Variants in FIP1L1 observed in about 807,000 individuals in gnomAD.
The protein encoded by FIP1L1 is pre-mRNA 3'-end-processing factor FIP1.
FIP1L1 carries 21 observed loss-of-function variants against 84.6 expected under a neutral mutation model. That is an observed-to-expected ratio of 0.25 (90% CI 0.18 to 0.36). FIP1L1 has a LOEUF of 0.36. Ranked by LOEUF, FIP1L1 falls within the 10% of genes least tolerant of loss-of-function variation. The probability of loss-of-function intolerance (pLI) is 1.00; values close to 1 mark genes in which losing one functional copy is unlikely to be tolerated. For synonymous variants in FIP1L1, 263 were observed against 242.3 expected, an observed-to-expected ratio of 1.09 and a Z score of -0.80; for missense variants, 526 against 751.1, an observed-to-expected ratio of 0.70 and a Z score of 3.50.
chr4:53,442,697 A>G lies in FIP1L1; in HGVS notation c.1219A>G (p.Thr407Ala). The change falls in exon 14 of 18, where the codon ACA (threonine) becomes GCA (alanine). Residue 407 changes from threonine (T) to alanine (A), a missense_variant. By Grantham distance (58) the Thr-to-Ala change is moderately conservative (BLOSUM62 0). Around this residue, in one of 6 missense-constraint regions of FIP1L1, gnomAD observed 83 missense variants for 93.8 expected, o/e 0.88. Coordinates refer to ENST00000337488, the MANE Select transcript of FIP1L1 (RefSeq NM_030917.4). ...PGAPPPSLIP[T>A]IESGHSSGYD... ...CGCTCCACCTCCATCTCTTATACCA[A>G]CAATAGAAAGGTAAATCAGTATGGA... 6.3e-7 allele frequency: 1 copy of G among 1,596,676 alleles called. No individual in the cohort carries two copies. Among genetic ancestry groups the G allele is most frequent in the Non-Finnish European group, 8.6e-7 (1 of 1,164,684 alleles).
chr4:53,382,318 A>C lies in FIP1L1; in HGVS notation c.211A>C (p.Asn71His), dbSNP rs148420010. Residue 71 changes from asparagine to histidine, a missense_variant, in exon 4 of 18, where the codon AAT (asparagine) becomes CAT (histidine). This residue lies in a region of FIP1L1 where 100 missense variants were observed against 107.2 expected (regional missense o/e 0.93). Coordinates refer to ENST00000337488, the MANE Select transcript of FIP1L1 (RefSeq NM_030917.4). ...PSGIEDETAE[N>H]GVPKPKVTET... Reference sequence around the variant, plus strand: ...TGGAATTGAAGATGAAACTGCTGAAAATGGTGTACCAAAACCGGTAACATA... The same window carrying C: ...TGGAATTGAAGATGAAACTGCTGAACATGGTGTACCAAAACCGGTAACATA... 46 of 1,613,590 alleles carry C rather than the reference A, an allele frequency of 2.9e-5. No individual in the cohort carries two copies. Among genetic ancestry groups the C allele is most frequent in the Non-Finnish European group, 3.8e-5 (45 of 1,179,642 alleles).
chr4:53,431,443 A>G (rs1275067337), intron 13 of FIP1L1, among the ~76,000 whole-genome samples: 2 of 152,372 alleles, frequency 1.3e-5, no homozygotes, highest in East Asian at 3.9e-4. Context: ...TTCAAAAATA[A>G]TCAAAAGAAA....
chr4:53,420,216 A>AAAAACAAAC lies in FIP1L1; in HGVS notation c.923+5498_923+5499insCAAACAAAA, dbSNP rs1560540810. Among the ~76,000 whole-genome samples the AAAAACAAAC allele has an allele frequency of 2.0e-4, 29 of 147,732 alleles. 1 individual carries two copies. The highest frequency in any genetic ancestry group is 7.2e-4 in the African/African-American group (29 of 40,346). On this transcript the variant is annotated intron_variant, in intron 11 of 17. Transcript: ENST00000337488. ...CCGTCTCAAAAAAAAAAAAAAAAAA[A>AAAAACAAAC]AAAAAAAAACCAGCCTGACCAACAT...
intron 16 of FIP1L1, among the ~76,000 whole-genome samples, chr4:53,457,834 A>C (rs1435438741): frequency 2.0e-5 from 3 of 152,284 alleles, no homozygotes; most frequent in East Asian, 3.9e-4. Flanking sequence ...GAAAGATGGA[A>C]AGAGAATGTC....
chr4:53,429,648 TTTC>T (rs1355992524), intron 13 of FIP1L1, among the ~76,000 whole-genome samples: 3 of 152,198 alleles, frequency 2.0e-5, no homozygotes, highest in African/African-American at 4.8e-5. Flanking sequence ...TTGAAATAAT[TTTC>T]TTTTTTTAAT....
intron 5 of FIP1L1, among the ~76,000 whole-genome samples, chr4:53,387,647 T>C (rs1741827483): frequency 6.6e-6 from 1 of 152,168 alleles, no homozygotes; most frequent in Non-Finnish European, 1.5e-5. Flanking sequence ...AAAGGCAGAA[T>C]GGGGAATAGA....
chr4:53,430,449 A>G (rs778647566), intron 13 of FIP1L1, among the ~76,000 whole-genome samples: 9 of 149,412 alleles, frequency 6.0e-5, no homozygotes, highest in Non-Finnish European at 4.4e-5. Flanking sequence ...CCCAGGCTCA[A>G]GCGATCCTCC....
chr4:53,454,788 T>G (rs1718058499), intron 16 of FIP1L1, among the ~76,000 whole-genome samples: 1 of 152,236 alleles, frequency 6.6e-6, no homozygotes, highest in Non-Finnish European at 1.5e-5. Flanking sequence ...AGAGTGAGCC[T>G]GTCCTTTGAA....
chr4:53,382,167 G>C (rs1456470506), intron 3 of FIP1L1, 111 bp from the exon 4 acceptor site: 14 of 709,578 alleles, frequency 2.0e-5, no homozygotes, highest in Middle Eastern at 3.6e-4. Context: ...ACTGTCTCCA[G>C]TGGAGACAAT....
chr4:53,452,422 G>C (rs1453829889), intron 15 of FIP1L1, among the ~76,000 whole-genome samples: 2 of 151,822 alleles, frequency 1.3e-5, no homozygotes, highest in Non-Finnish European at 2.9e-5. Context: ...GGGTTCAAGT[G>C]ATTCTCCTGC....
At chr4:53,404,125 G>C (rs1314727727) in intron 10 of FIP1L1, among the ~76,000 whole-genome samples, 1 of 150,398 alleles carries the variant, frequency 6.6e-6, no homozygotes, top group Non-Finnish European at 1.5e-5. Context: ...TCGTCATTTA[G>C]AATTAGGTAT....
Position 53,428,017 on chromosome 4 carries a change from C to A in FIP1L1, c.1018-10C>A. The A allele has an allele frequency of 6.3e-7, 1 of 1,593,600 alleles. No individual in the cohort carries two copies. The highest frequency in any genetic ancestry group is 8.6e-7 in the Non-Finnish European group (1 of 1,166,472). ...ATGCATCTGTTTAATTAACTGTGCT[C>A]TAATTTTAGGTCCTTTCTGAAAGAT... On this transcript the variant is annotated splice_polypyrimidine_tract_variant and intron_variant, in intron 12 of 17. Coordinates refer to ENST00000337488, the MANE Select transcript of FIP1L1 (RefSeq NM_030917.4).
At chr4:53,391,618 C>G in intron 9 of FIP1L1, 120 bp downstream of exon 9, 1 of 670,852 alleles carries the variant, frequency 1.5e-6, no homozygotes, top group Non-Finnish European at 2.6e-6. Flanking sequence ...AAACCTTCAG[C>G]TTCCTGGTGA....
In FIP1L1 at chr4:53,451,744, A is replaced by T. The variant is rs529007184; in HGVS notation, c.1286-1176A>T. 1.7e-3 allele frequency among the ~76,000 whole-genome samples: 255 copies of T among 151,820 alleles called. 1 individual carries two copies. Among genetic ancestry groups the T allele is most frequent in the African/African-American group, 5.1e-3 (210 of 41,396 alleles). On this transcript the variant is annotated intron_variant, in intron 15 of 17. Coordinates refer to ENST00000337488, the MANE Select transcript of FIP1L1 (RefSeq NM_030917.4). ...CATTATTTTAGTTTTCTTCTTTTTT[A>T]AAAAAAACTCTGCTATTGAATAGCG...
intron 10 of FIP1L1, among the ~76,000 whole-genome samples, chr4:53,409,409 G>A (rs1157374747): frequency 6.6e-6 from 1 of 152,184 alleles, no homozygotes; most frequent in African/African-American, 2.4e-5. Context: ...GCCCCTACTG[G>A]GGGGTGTCTC....
chr4:53,424,892 AC>A (rs1262657832), intron 11 of FIP1L1, among the ~76,000 whole-genome samples: 1 of 152,112 alleles, frequency 6.6e-6, no homozygotes. Flanking sequence ...CTTGTCTCTA[AC>A]AAGTATACAG....
chr4:53,425,253 A>AG (rs1763872549), intron 11 of FIP1L1, among the ~76,000 whole-genome samples: 1 of 152,084 alleles, frequency 6.6e-6, no homozygotes, highest in African/African-American at 2.4e-5. Flanking sequence ...AATTTATAGC[A>AG]TTGTTTTATG....
rs779369075 is a variant in FIP1L1, at chr4:53,459,432, G to T, written c.1768G>T (p.Ala590Ser). 1.1e-5 allele frequency: 17 copies of T among 1,612,650 alleles called. No homozygotes were observed. The African/African-American group carries it at 1.9e-4, about 18-fold the overall frequency. Residue 590 changes from alanine (A) to serine (S), a missense_variant, in exon 18 of 18, where the codon GCT becomes TCT. Ala to Ser is a moderately conservative substitution (Grantham distance 99). Coordinates refer to ENST00000337488, the MANE Select transcript of FIP1L1 (RefSeq NM_030917.4). ...EPAPEQESTE[A>S]TPAE Reference sequence around the variant, plus strand: ...TGCCCCTGAACAGGAGAGCACCGAAGCTACACCTGCAGAATAGGCATGGTT... The same window carrying T: ...TGCCCCTGAACAGGAGAGCACCGAATCTACACCTGCAGAATAGGCATGGTT...
chr4:53,450,235 T>C (rs555900305), intron 15 of FIP1L1, among the ~76,000 whole-genome samples: 16 of 152,214 alleles, frequency 1.1e-4, no homozygotes, highest in Non-Finnish European at 1.9e-4. Flanking sequence ...ATAAATCTTA[T>C]GTTTGTCTAT....
Sources: allele counts gnomAD v4.1 joint callset (sites outside exome capture counted in the v4.1 genomes callset), GRCh38; gene constraint gnomAD v4.1.1; regional missense constraint gnomAD v4.1.1; transcripts MANE v1.5; gene names NCBI Gene and HGNC (gene_info 2026-07-23, HGNC 2026-07-21).